VSX1: variants seen among roughly 807,000 people sequenced by gnomAD.
VSX1 encodes visual system homeobox 1, also known as homeodomain protein RINX.
Under a neutral mutation model 23.6 loss-of-function variants are expected in VSX1, and 23 were observed. The observed-to-expected ratio is 0.97, with a 90% CI of 0.70 to 1.38. VSX1 has a LOEUF of 1.38. VSX1 is among the 40% of genes most tolerant of loss of function. VSX1 has a pLI of 0.00. For missense variants in VSX1, 517 were observed against 495.4 expected (o/e 1.04, Z -0.41); for synonymous variants, 247 against 215.1 (o/e 1.15, Z -1.30).
intron 1 of VSX1, 128 bp from the exon 2 acceptor site, chr20:25,079,642 T>A: frequency 1.2e-6 from 1 of 852,854 alleles, no homozygotes; most frequent in Admixed American, 2.1e-5. Flanking sequence ...TGAGCCAGCA[T>A]TTTTAGTGCC....
chr20:25,072,110 CTG>C, downstream of VSX1: 7 of 591,276 alleles, frequency 1.2e-5, no homozygotes, highest in Non-Finnish European at 2.1e-5. Flanking sequence ...GAGCGAGAGA[CTG>C]TGGCTTAGTG....
At chr20:25,081,288 A>C (rs1289556508) in intron 1 of VSX1, among the ~76,000 whole-genome samples, 2 of 152,138 alleles carry the variant, frequency 1.3e-5, no homozygotes, top group Non-Finnish European at 2.9e-5. Context: ...GCTGCTGGTG[A>C]CCACCACAGG....
In VSX1 at chr20:25,075,676, G is replaced by T. The variant is rs557389022; in HGVS notation, c.*585C>A. The T allele has an allele frequency of 6.6e-6, 1 of 152,504 alleles. No individual in the cohort carries two copies. The highest frequency in any genetic ancestry group is 1.5e-5 in the Non-Finnish European group (1 of 68,322). 9.4% of individuals were successfully genotyped at this position (152,504 alleles called of 1,614,324 possible). On this transcript the variant is annotated 3_prime_UTR_variant, in exon 5 of 5. Coordinates refer to ENST00000376709, the MANE Select transcript of VSX1 (RefSeq NM_014588.6). The stretch of plus-strand genomic sequence containing the variant: ...CTATTTTTAAAGGAAATGCAGAAAC[G>T]ACTAGAGTATGGGTTTCTTTGAATT...
At chr20:25,074,075 G>A (rs1229410531), downstream of VSX1, among the ~76,000 whole-genome samples, 1 of 152,054 alleles carries the variant, frequency 6.6e-6, no homozygotes. Context: ...AAACTTTCTC[G>A]TTTGATTTTT....
chr20:25,076,464 C>A lies in VSX1; in HGVS notation c.895G>T (p.Glu299Ter). 1.2e-6 allele frequency: 2 copies of A among 1,614,128 alleles called. No homozygotes were observed. The highest frequency in any genetic ancestry group is 1.7e-6 in the Non-Finnish European group (2 of 1,180,042). The change falls in exon 5 of 5, where the codon GAA becomes TAA. Residue 299 changes from glutamate (E) to a stop codon, truncating the protein, a stop_gained. Transcript: ENST00000376709. LOFTEE classifies it low-confidence loss of function (END_TRUNC). The part of the protein sequence containing the change: ...AGLWGSDHFK[E>*]GSSQSESGSQ... ...CCTGACTCACTCTGGCTAGAACCTT[C>A]TTTGAAGTGGTCAGAGCCCCAGAGT...
chr20:25,079,611 G>T (rs2089597698), intron 1 of VSX1, 97 bp from the exon 2 acceptor site: 1 of 1,330,636 alleles, frequency 7.5e-7, no homozygotes, highest in African/African-American at 1.5e-5. Context: ...AACCTCTTGG[G>T]TACTTAAGTA....
At position 25,075,632 on chromosome 20, in the gene VSX1, G is replaced by A. The variant is rs569047065; in HGVS notation, c.*629C>T. The A allele has an allele frequency of 3.3e-4, 51 of 152,382 alleles. No homozygotes were observed. The highest frequency in any genetic ancestry group is 1.2e-3 in the African/African-American group (48 of 41,556). 9.4% of individuals were successfully genotyped at this position (152,382 alleles called of 1,614,324 possible). ...CACTGTTTCCAGCTATCCAACAATT[G>A]TTTAAATATGATCCCATGCTATTTT... is the stretch of plus-strand genomic sequence containing the variant. On this transcript the variant is annotated 3_prime_UTR_variant, in exon 5 of 5. Transcript: ENST00000376709.
At chr20:25,081,602 T>C (rs923192130) in intron 1 of VSX1, 71 bp downstream of exon 1, 15 of 1,548,786 alleles carry the variant, frequency 9.7e-6, no homozygotes, top group Middle Eastern at 4.1e-4. Flanking sequence ...GGTGGGGCGA[T>C]GGTCTGTGAC....
chr20:25,079,816 C>T (rs899126739), intron 1 of VSX1, among the ~76,000 whole-genome samples: 3 of 152,092 alleles, frequency 2.0e-5, no homozygotes, highest in African/African-American at 7.2e-5. Context: ...CAAAATCACA[C>T]AGGTAGTAAA....
At chr20:25,072,468 C>T (rs768870972), downstream of VSX1, 9 of 464,794 alleles carry the variant, frequency 1.9e-5, no homozygotes, top group Non-Finnish European at 3.1e-5. Flanking sequence ...CCCCCCAGGC[C>T]GATACTGTCC....
chr20:25,080,812 C>T (rs1411752987), intron 1 of VSX1, among the ~76,000 whole-genome samples: 3 of 152,186 alleles, frequency 2.0e-5, no homozygotes, highest in Non-Finnish European at 2.9e-5. Flanking sequence ...ACCTGCCTGC[C>T]TATTGATCTG....
chr20:25,073,190 T>G (rs1346368471), downstream of VSX1, among the ~76,000 whole-genome samples: 1 of 152,124 alleles, frequency 6.6e-6, no homozygotes, highest in East Asian at 1.9e-4. Context: ...TTGTCTCATG[T>G]GAATTTAACC....
chr20:25,071,846 G>A (rs146226570), downstream of VSX1: 27 of 714,930 alleles, frequency 3.8e-5, no homozygotes, highest in East Asian at 7.0e-4. Flanking sequence ...CAGGAAAATC[G>A]GCATGCTTCC....
downstream of VSX1, among the ~76,000 whole-genome samples, chr20:25,074,334 A>C (rs1396580484): frequency 6.6e-6 from 1 of 152,250 alleles, no homozygotes; most frequent in Non-Finnish European, 1.5e-5. Context: ...ATATGTACAT[A>C]TAAACACGTG....
chr20:25,078,547 C>CTT (rs5841049), intron 3 of VSX1: 965 of 1,147,908 alleles, frequency 8.4e-4, no homozygotes, highest in African/African-American at 5.0e-3. Flanking sequence ...GAGGTAGTCT[C>CTT]TTTTTTTTTT....
At position 25,079,468 on chromosome 20, in the gene VSX1, G is replaced by A. The variant is rs765504686; in HGVS notation, c.471C>T (p.Pro157=). 1.2e-6 allele frequency: 2 copies of A among 1,612,816 alleles called. No individual in the cohort carries two copies. The highest frequency in any genetic ancestry group is 1.7e-6 in the Non-Finnish European group (2 of 1,179,750). Residue 157 remains proline, a synonymous_variant, in exon 2 of 5, where the codon CCC becomes CCT. Transcript: ENST00000376709. ...SEDRNDLKAS[P]TLGKRKKRRH... ...GCCGCTTCTTCCTCTTGCCCAAGGT[G>A]GGGGATGCCTTTAGGTCATTCCTGT...
intron 1 of VSX1, 32 bp downstream of exon 1, chr20:25,081,641 G>T: frequency 6.5e-7 from 1 of 1,530,284 alleles, no homozygotes; most frequent in Non-Finnish European, 8.7e-7. Context: ...CTAGGGGACA[G>T]GGGCAGGAGC....
rs2089498771 is a variant in VSX1 at position 25,076,604 on chromosome 20, C to G, written c.809-54G>C. 3.3e-6 allele frequency: 5 copies of G among 1,536,802 alleles called. No individual in the cohort carries two copies. The East Asian group carries it at 9.7e-5, about 30-fold the overall frequency. On this transcript the variant is annotated intron_variant, in intron 4 of 4. Transcript: ENST00000376709. ...AATAAAAATAAAAATTTAAATTCAGCAATGAAGTAAATTTCCTTCTTATTG... is the reference window on the plus strand; with the variant it reads ...AATAAAAATAAAAATTTAAATTCAGGAATGAAGTAAATTTCCTTCTTATTG...
At chr20:25,074,292 T>C (rs1020490594), downstream of VSX1, among the ~76,000 whole-genome samples, 2 of 152,212 alleles carry the variant, frequency 1.3e-5, no homozygotes, top group African/African-American at 4.8e-5. Context: ...TGGCTAGAGT[T>C]GGCAAAGCCG....
Sources: gnomAD v4.1 joint callset for allele counts (sites outside exome capture counted in the v4.1 genomes callset) on GRCh38, gnomAD v4.1.1 for gene constraint, MANE v1.5 for transcripts, NCBI Gene and HGNC (gene_info 2026-07-23, HGNC 2026-07-21) for gene names.